FBXL17: variants seen among roughly 807,000 people sequenced by gnomAD.
FBXL17 encodes the protein F-box/LRR-repeat protein 17.
Under a neutral mutation model 66.2 loss-of-function variants are expected in FBXL17, and 22 were observed. That is an observed-to-expected ratio of 0.33 (90% confidence interval 0.24 to 0.47). The LOEUF is 0.47. Among genes scored for constraint, FBXL17 ranks in the 20% least tolerant of loss-of-function variants. The pLI is 1.00. For synonymous variants in FBXL17, 474 were observed against 400.5 expected (o/e 1.18, Z -2.19); for missense variants, 878 against 948.2 (o/e 0.93, Z 0.97).
chr5:108,306,170 T>TA (rs1344357480), intron 4 of FBXL17, among the ~76,000 whole-genome samples: 1 of 151,296 alleles, frequency 6.6e-6, no homozygotes, highest in Non-Finnish European at 1.5e-5. Context: ...TGAAAAAACA[T>TA]ATGTGTACTT....
At chr5:107,883,732 G>A (rs894553553) in intron 7 of FBXL17, among the ~76,000 whole-genome samples, 8 of 152,092 alleles carry the variant, frequency 5.3e-5, no homozygotes, top group South Asian at 2.1e-4. Context: ...CACATGCCTC[G>A]TACAGAGAAG....
intron 5 of FBXL17, among the ~76,000 whole-genome samples, chr5:108,203,092 T>C (rs949225573): frequency 6.6e-6 from 1 of 152,158 alleles, no homozygotes; most frequent in African/African-American, 2.4e-5. Flanking sequence ...CATAAAATTA[T>C]TGTATCTTAT....
intron 7 of FBXL17, among the ~76,000 whole-genome samples, chr5:107,936,063 C>T (rs1750899025): frequency 6.6e-6 from 1 of 152,278 alleles, no homozygotes; most frequent in East Asian, 1.9e-4. Context: ...TTCAAATCAG[C>T]CACTTTGCAG....
At chr5:108,253,610 G>T (rs1756451939) in intron 4 of FBXL17, among the ~76,000 whole-genome samples, 1 of 151,862 alleles carries the variant, frequency 6.6e-6, no homozygotes, top group African/African-American at 2.4e-5. Context: ...CATTCTCCTT[G>T]GTTCTAACAT....
In FBXL17 at chr5:108,381,320, G is replaced by GGCC. The variant is rs1409592670; in HGVS notation, c.369_371dup (p.Ala132dup). On this transcript the variant is annotated inframe_insertion, in exon 1 of 9. Coordinates refer to ENST00000542267, the MANE Select transcript of FBXL17 (RefSeq NM_001163315.3). ...AGGCGGCAGCGGCGGCGGCGGCGGC[G>GGCC]GCCGAGGATAGCAGGAAGCGGCGGG... 2 of 1,391,468 alleles carry GGCC rather than the reference G, an allele frequency of 1.4e-6. No individual in the cohort carries two copies. The highest frequency in any genetic ancestry group is 3.0e-5 in the African/African-American group (2 of 65,640). The allele number at this position is 1,391,468 out of a possible 1,614,324, so 86.2% of individuals were successfully genotyped here.
chr5:108,315,430 A>ACATTATTTAT (rs1176829861), intron 4 of FBXL17, among the ~76,000 whole-genome samples: 5 of 151,496 alleles, frequency 3.3e-5, no homozygotes, highest in Non-Finnish European at 5.9e-5. Flanking sequence ...TGCAATCAAT[A>ACATTATTTAT]CATTATTTAT....
chr5:107,872,728 G>A (rs1446096222), intron 8 of FBXL17, among the ~76,000 whole-genome samples: 1 of 152,188 alleles, frequency 6.6e-6, no homozygotes, highest in East Asian at 1.9e-4. Context: ...ACCACAACAA[G>A]AGCTAACGTT....
chr5:108,372,838 T>A (rs1019328985), intron 1 of FBXL17, among the ~76,000 whole-genome samples: 5 of 152,190 alleles, frequency 3.3e-5, no homozygotes, highest in African/African-American at 4.8e-5. Context: ...AACTAAAGGA[T>A]ACCAGTAATT....
At chr5:108,375,127 G>A (rs973619816) in intron 1 of FBXL17, among the ~76,000 whole-genome samples, 2 of 152,140 alleles carry the variant, frequency 1.3e-5, no homozygotes, top group Non-Finnish European at 2.9e-5. Context: ...GCCAAAGTGG[G>A]AGGACTGCTT....
intron 6 of FBXL17, among the ~76,000 whole-genome samples, chr5:108,177,566 AAAC>A (rs960508733): frequency 7.9e-5 from 12 of 152,116 alleles, no homozygotes; most frequent in African/African-American, 2.7e-4. Context: ...CAGAATGCCA[AAAC>A]AACAGGCATG....
At chr5:108,078,341 C>CA (rs1371102360) in intron 6 of FBXL17, among the ~76,000 whole-genome samples, 8 of 152,158 alleles carry the variant, frequency 5.3e-5, no homozygotes, top group Non-Finnish European at 1.2e-4. Flanking sequence ...CAAATCTCTC[C>CA]AAAGGTATCA....
At chr5:107,923,200 A>C (rs1750382108) in intron 7 of FBXL17, among the ~76,000 whole-genome samples, 1 of 152,300 alleles carries the variant, frequency 6.6e-6, no homozygotes, top group Middle Eastern at 3.4e-3. Context: ...TGGGCCATGG[A>C]AGGTGCTCAA....
At chr5:108,300,526 A>C (rs867773496) in intron 4 of FBXL17, among the ~76,000 whole-genome samples, 3 of 151,860 alleles carry the variant, frequency 2.0e-5, no homozygotes, top group Non-Finnish European at 4.4e-5. Context: ...TGACTATAAA[A>C]GATCTTCTTT....
chr5:108,306,819 T>C (rs760162528), intron 4 of FBXL17, among the ~76,000 whole-genome samples: 2 of 152,058 alleles, frequency 1.3e-5, no homozygotes, highest in Admixed American at 6.6e-5. Flanking sequence ...ATTCTCTCTC[T>C]TCACTAATTA....
At chr5:108,018,909 C>T (rs540496418) in intron 7 of FBXL17, among the ~76,000 whole-genome samples, 7 of 152,136 alleles carry the variant, frequency 4.6e-5, no homozygotes, top group Admixed American at 6.6e-5. Context: ...GAGGCTTATA[C>T]GTCAATATGT....
intron 3 of FBXL17, among the ~76,000 whole-genome samples, chr5:108,348,965 T>C (rs906033119): frequency 2.6e-5 from 4 of 152,004 alleles, no homozygotes; most frequent in African/African-American, 9.7e-5. Context: ...CCACCACACC[T>C]GGCTACTTTT....
intron 6 of FBXL17, among the ~76,000 whole-genome samples, chr5:108,139,988 G>A (rs987216250): frequency 6.6e-5 from 10 of 152,060 alleles, no homozygotes; most frequent in African/African-American, 2.2e-4. Flanking sequence ...CACTTTGAAA[G>A]ACTAAACAAA....
intron 5 of FBXL17, among the ~76,000 whole-genome samples, chr5:108,204,335 C>T (rs1754022645): frequency 6.6e-6 from 1 of 152,004 alleles, no homozygotes; most frequent in African/African-American, 2.4e-5. Context: ...GGAATACAGG[C>T]ATACACCACC....
At chr5:107,915,359 A>T (rs1218970044) in intron 7 of FBXL17, among the ~76,000 whole-genome samples, 2 of 152,054 alleles carry the variant, frequency 1.3e-5, no homozygotes, top group African/African-American at 2.4e-5. Flanking sequence ...TGCCAACAAT[A>T]AAAAAAAGAA....
Sources: allele counts gnomAD v4.1 joint callset (sites outside exome capture counted in the v4.1 genomes callset), GRCh38; gene constraint gnomAD v4.1.1; transcripts MANE v1.5; gene names NCBI Gene and HGNC (gene_info 2026-07-23, HGNC 2026-07-21).